CTU2: variants seen among roughly 807,000 people sequenced by gnomAD.
CTU2 encodes the protein cytoplasmic tRNA 2-thiolation protein 2.
A neutral mutation model predicts 64.1 loss-of-function variants in CTU2; 80 were observed. The observed-to-expected ratio is 1.25, with a 90% confidence interval of 1.04 to 1.50. The LOEUF is 1.50. Ranked by LOEUF, CTU2 falls within the 40% of genes most tolerant of loss-of-function variation. The pLI is 0.00. For synonymous variants in CTU2, 482 were observed against 285.3 expected, an observed-to-expected ratio of 1.69 and a Z score of -6.95; for missense variants, 1,110 against 690.2, an observed-to-expected ratio of 1.61 and a Z score of -6.81.
At chr16:88,712,052 C>G in intron 5 of CTU2, 3 of 680,174 alleles carry the variant, frequency 4.4e-6, no homozygotes, top group Non-Finnish European at 8.1e-6. Flanking sequence ...CCGACCCTTG[C>G]TCCTGCAGAA....
chr16:88,710,260 C>G lies in CTU2; in HGVS notation c.260C>G (p.Ser87Cys). The change falls in exon 4 of 15, where the codon TCC (serine) becomes TGC (cysteine). Residue 87 changes from serine to cysteine, a missense_variant. Physicochemically the swap from Ser to Cys is moderately radical, Grantham distance 112 (BLOSUM62 -1). Coordinates refer to ENST00000453996, the MANE Select transcript of CTU2 (RefSeq NM_001012759.3). ...LAWSGGPSSSSMVWQVLEGLS... is the reference protein window; with the variant it reads ...LAWSGGPSSSCMVWQVLEGLS... The stretch of plus-strand genomic sequence containing the variant: ...TGGTCTGGGGGGCCTTCGTCCAGCT[C>G]CATGGTCTGGCAGGTTCTTGAGGTG... 1 of 1,614,042 alleles carries G rather than the reference C, an allele frequency of 6.2e-7. No homozygotes were observed. The highest frequency in any genetic ancestry group is 8.5e-7 in the Non-Finnish European group (1 of 1,179,996).
chr16:88,714,856 G>T lies in CTU2; in HGVS notation c.1353-4G>T, dbSNP rs372591571. On this transcript the variant is annotated splice_region_variant and splice_polypyrimidine_tract_variant and intron_variant, in intron 12 of 14. Transcript: ENST00000453996. The stretch of plus-strand genomic sequence containing the variant: ...TGGGCACACAGCCAGCTCTGCTCCC[G>T]CAGGGAGGACCCCCAAGCCTGCATT... The T allele has an allele frequency of 2.5e-6, 4 of 1,612,440 alleles. No homozygotes were observed. The African/African-American group carries it at 4.0e-5, about 16-fold the overall frequency.
Position 88,713,393 on chromosome 16 carries a change from C to T in CTU2, c.819C>T (p.Ile273=). 6.2e-7 allele frequency: 1 copy of T among 1,604,198 alleles called. No individual in the cohort carries two copies. The highest frequency in any genetic ancestry group is 8.5e-7 in the Non-Finnish European group (1 of 1,177,084). Residue 273 remains isoleucine (I), a synonymous_variant, in exon 8 of 15, where the codon ATC becomes ATT. Coordinates refer to ENST00000453996, the MANE Select transcript of CTU2 (RefSeq NM_001012759.3). ...GGGACAGCTGCACACGCTTGGCTAT[C>T]AAGCTCATGACCAACCTGGCGCTGG... ...MTGDSCTRLA[I]KLMTNLALGR... is the part of the protein sequence containing the mutation.
At position 88,706,578 on chromosome 16, in the gene CTU2, G is replaced by GC; in HGVS notation, c.53dup (p.Ala19GlyfsTer7). 6.9e-7 allele frequency: 1 copy of GC among 1,453,554 alleles called. No homozygotes were observed. Among genetic ancestry groups the GC allele is most frequent in the South Asian group, 1.3e-5 (1 of 75,416 alleles). 90.0% of individuals were successfully genotyped at this position (1,453,554 alleles called of 1,614,324 possible). ...ACGGGGAGCCGGCGCCTGAGGAGCC[G>GC]CCCCCGGCGCCGCGGCCCAGGTAAG... is the stretch of plus-strand genomic sequence containing the variant. On this transcript the variant is annotated frameshift_variant, in exon 1 of 15. Coordinates refer to ENST00000453996, the MANE Select transcript of CTU2 (RefSeq NM_001012759.3). LOFTEE classifies it high-confidence loss of function.
chr16:88,706,700 G>A (rs1206765625), intron 1 of CTU2, 102 bp downstream of exon 1: 12 of 881,112 alleles, frequency 1.4e-5, no homozygotes, highest in Non-Finnish European at 1.9e-5. Context: ...GCCCCGCGTG[G>A]AGAGCGGGAC....
At chr16:88,711,566 T>C in intron 4 of CTU2, 69 bp from the exon 5 acceptor site, 16 of 1,401,538 alleles carry the variant, frequency 1.1e-5, no homozygotes, top group East Asian at 2.4e-5. Flanking sequence ...AGATGAAGAA[T>C]GTTCTGAGCT....
At chr16:88,712,541 C>G in intron 6 of CTU2, 81 bp from the exon 7 acceptor site, 1 of 1,543,942 alleles carries the variant, frequency 6.5e-7, no homozygotes, top group Non-Finnish European at 8.8e-7. Flanking sequence ...TGCCGTCTCC[C>G]GCATCCCGGA....
In CTU2 at chr16:88,707,120, C is replaced by T. The variant is rs11641194; in HGVS notation, c.69-16C>T. 9.9e-6 allele frequency: 16 copies of T among 1,612,292 alleles called. No homozygotes were observed. The highest frequency in any genetic ancestry group is 9.9e-5 in the South Asian group (9 of 91,048). On this transcript the variant is annotated splice_polypyrimidine_tract_variant and intron_variant, in intron 1 of 14. Coordinates refer to ENST00000453996, the MANE Select transcript of CTU2 (RefSeq NM_001012759.3). ...TGATCTGTGTTTCTCTCTTCTCCCC[C>T]CTCCCATCTCCAAAGCCGTGAGCAG...
In CTU2 at chr16:88,712,699, C is replaced by T. The variant is rs200173167; in HGVS notation, c.531C>T (p.Ala177=). Residue 177 remains alanine (A), a synonymous_variant, in exon 7 of 15, where the codon GCC becomes GCT. Coordinates refer to ENST00000453996, the MANE Select transcript of CTU2 (RefSeq NM_001012759.3). ...GATCCGAGGGGGCCTACAAGGCGGCCGTGGACAGCTTCCTCCAGCAGCAGC... is the reference window on the plus strand; with the variant it reads ...GATCCGAGGGGGCCTACAAGGCGGCTGTGGACAGCTTCCTCCAGCAGCAGC... The part of the protein sequence containing the change: ...LVGSEGAYKA[A]VDSFLQQQHV... The T allele has an allele frequency of 1.7e-5, 28 of 1,610,380 alleles. 2 individuals are homozygous for T. Among genetic ancestry groups the T allele is most frequent in the Middle Eastern group, 2.1e-4 (1 of 4,862 alleles).
chr16:88,714,521 G>C (rs1035890605), intron 11 of CTU2, 35 bp downstream of exon 11: 3 of 1,612,314 alleles, frequency 1.9e-6, no homozygotes, highest in Non-Finnish European at 2.5e-6. Flanking sequence ...GATGCGGGGA[G>C]GGAGCCAGGG....
intron 2 of CTU2, 39 bp from the exon 3 acceptor site, chr16:88,709,899 G>C: frequency 6.3e-7 from 1 of 1,585,274 alleles, no homozygotes; most frequent in Non-Finnish European, 8.7e-7. Flanking sequence ...TCACTGTGCG[G>C]GTAGCAGGCG....
Position 88,715,112 on chromosome 16 carries a change from G to A in CTU2, c.1478+6G>A, listed in dbSNP as rs758641433. On this transcript the variant is annotated splice_donor_region_variant and intron_variant, in intron 14 of 14. Transcript: ENST00000453996. ...GCCCAGCTCCGCACACAGAGGTACT[G>A]GGGCCCACACTGCCGTGGCGCGTGG... The A allele has an allele frequency of 2.5e-6, 4 of 1,593,814 alleles. No homozygotes were observed. The African/African-American group carries it at 4.0e-5, about 16-fold the overall frequency.
intron 9 of CTU2, 148 bp from the exon 10 acceptor site, chr16:88,713,988 G>T: frequency 9.7e-7 from 1 of 1,029,222 alleles, no homozygotes; most frequent in South Asian, 1.4e-5. Flanking sequence ...TGCTGAAGCG[G>T]GTTCTCTGGC....
rs1332867825 is a variant in CTU2 at position 88,715,354 on chromosome 16, T to G, written c.*103T>G. 2 of 1,255,660 alleles carry G rather than the reference T, an allele frequency of 1.6e-6. No homozygotes were observed. The highest frequency in any genetic ancestry group is 2.8e-5 in the South Asian group (2 of 72,458). The allele number at this position is 1,255,660 out of a possible 1,614,324, so 77.8% of individuals were successfully genotyped here. A position where few individuals can be genotyped will look rare whatever the true frequency, so the allele number is the denominator to read the frequency against. ...GGACTGGCCTCTGATTGTCCATTTG[T>G]ATAAATAAAACATTTTTTAATTAAA... is the stretch of plus-strand genomic sequence containing the variant. On this transcript the variant is annotated 3_prime_UTR_variant, in exon 15 of 15. Coordinates refer to ENST00000453996, the MANE Select transcript of CTU2 (RefSeq NM_001012759.3).
chr16:88,714,050 A>C, intron 9 of CTU2, 86 bp from the exon 10 acceptor site: 1 of 1,326,514 alleles, frequency 7.5e-7, no homozygotes, highest in Non-Finnish European at 1.1e-6. Context: ...GCAGCGTGGA[A>C]CCCACGGCAC....
Position 88,713,758 on chromosome 16 carries a change from A to G in CTU2, c.985A>G (p.Thr329Ala). 6.2e-7 allele frequency: 1 copy of G among 1,612,658 alleles called. No homozygotes were observed. Among genetic ancestry groups the G allele is most frequent in the South Asian group, 1.1e-5 (1 of 91,080 alleles). Residue 329 changes from threonine to alanine, a missense_variant, in exon 9 of 15, where the codon ACA (threonine) becomes GCA (alanine). Thr to Ala is a moderately conservative substitution (Grantham distance 58, BLOSUM62 0). Coordinates refer to ENST00000453996, the MANE Select transcript of CTU2 (RefSeq NM_001012759.3). ...CCTGTTCTCCGTTCCTTCTGTCTTC[A>G]CACCAGCCGTCGACACCAAGGTGGG... is the stretch of plus-strand genomic sequence containing the variant. ...NRLFSVPSVF[T>A]PAVDTKAPEK...
At chr16:88,706,866 A>AGCTGTCTCGCCTCCCCGTGTC (rs1910891792) in intron 1 of CTU2, 3 of 558,332 alleles carry the variant, frequency 5.4e-6, no homozygotes, top group Non-Finnish European at 9.6e-6. Context: ...GGTGCCGTGA[A>AGCTGTCTCGCCTCCCCGTGTC]GCTGTCTCGC....
chr16:88,708,346 G>C (rs550925967), intron 2 of CTU2, among the ~76,000 whole-genome samples: 1 of 152,176 alleles, frequency 6.6e-6, no homozygotes, highest in African/African-American at 2.4e-5. Context: ...AGGTCAGCAC[G>C]TGGGAGAAAC....
chr16:88,715,204 C>G lies in CTU2; in HGVS notation c.1501C>G (p.Arg501Gly), dbSNP rs371031341. 4.3e-6 allele frequency: 7 copies of G among 1,612,302 alleles called. No individual in the cohort carries two copies. The highest frequency in any genetic ancestry group is 2.7e-5 in the African/African-American group (2 of 74,874). Residue 501 changes from arginine (R) to glycine (G), a missense_variant, in exon 15 of 15, where the codon CGG (arginine) becomes GGG (glycine). Arg to Gly is a moderately radical substitution (Grantham distance 125, BLOSUM62 -2). Transcript: ENST00000453996. ...TAGGGCCTGGGGCTTGCAGGAGATC[C>G]GGGACTGTCTGATTGAGGACAGTGA... ...TQRAWGLQEIRDCLIEDSDDE... is the reference protein window; with the variant it reads ...TQRAWGLQEIGDCLIEDSDDE...
Sources: allele counts gnomAD v4.1 joint callset (sites outside exome capture counted in the v4.1 genomes callset), GRCh38; gene constraint gnomAD v4.1.1; transcripts MANE v1.5; gene names NCBI Gene and HGNC (gene_info 2026-07-23, HGNC 2026-07-21).